Variants in LILRA2 observed in about 807,000 individuals in gnomAD.
LILRA2 encodes leukocyte immunoglobulin like receptor A2.
LILRA2 carries 45 observed loss-of-function variants against 47.9 expected under a neutral mutation model. The ratio of observed to expected loss-of-function variants is 0.94; its 90% CI spans 0.74 to 1.20. LILRA2 has a LOEUF of 1.20. Ranked by LOEUF, LILRA2 falls within the 50% of genes most tolerant of loss-of-function variation. The probability of loss-of-function intolerance (pLI) is 0.00; values close to 1 mark genes in which losing one functional copy is unlikely to be tolerated. For synonymous variants in LILRA2, 279 were observed against 249.2 expected (o/e 1.12, Z -1.13); for missense variants, 651 against 598.2 (o/e 1.09, Z -0.92).
In LILRA2 at chr19:54,576,053, G is replaced by C; in HGVS notation, c.1199G>C (p.Ser400Thr). The change falls in exon 6 of 8, where the codon AGC (serine) becomes ACC (threonine). Residue 400 changes from serine (S) to threonine (T), a missense_variant. Physicochemically the swap from Ser to Thr is moderately conservative, Grantham distance 58. Coordinates refer to ENST00000391738, the MANE Select transcript of LILRA2 (RefSeq NM_001130917.3). Reference sequence around the variant, plus strand: ...ACCTACAGATGCTACAGCTCACTCAGCTCCAACCCCTACCTGCTGTCTCTC... The same window carrying C: ...ACCTACAGATGCTACAGCTCACTCACCTCCAACCCCTACCTGCTGTCTCTC... ...VGTYRCYSSL[S>T]SNPYLLSLPS... 6.2e-7 allele frequency: 1 copy of C among 1,613,954 alleles called. No homozygotes were observed. Among genetic ancestry groups the C allele is most frequent in the Non-Finnish European group, 8.5e-7 (1 of 1,179,964 alleles).
chr19:54,575,026 G>T lies in LILRA2; in HGVS notation c.648G>T (p.Leu216=). 2 of 1,612,990 alleles carry T rather than the reference G, an allele frequency of 1.2e-6. No homozygotes were observed. Among genetic ancestry groups the T allele is most frequent in the South Asian group, 2.2e-5 (2 of 91,078 alleles). Residue 216 remains leucine, a synonymous_variant, in exon 4 of 8, where the codon CTG becomes CTT. Coordinates refer to ENST00000391738, the MANE Select transcript of LILRA2 (RefSeq NM_001130917.3). ...TACCCAGTGATCTCCTGGAGCTCCT[G>T]GTCCCAGGTGAGAAATTCACAGAAT... is the stretch of plus-strand genomic sequence containing the variant. ...WSLPSDLLEL[L]VPGVSKKPSL... is the part of the protein sequence containing the mutation.
intron 6 of LILRA2, among the ~76,000 whole-genome samples, chr19:54,584,480 C>A (rs940023727): frequency 6.6e-6 from 1 of 152,240 alleles, no homozygotes; most frequent in South Asian, 2.1e-4. Context: ...TCTTTTCATT[C>A]TCTTTTCTCT....
At chr19:54,576,770 A>C in intron 6 of LILRA2, among the ~76,000 whole-genome samples, 1 of 152,266 alleles carries the variant, frequency 6.6e-6, no homozygotes, top group African/African-American at 2.4e-5. Flanking sequence ...GGGAGATCAC[A>C]GTCAGGTACT....
upstream of LILRA2, chr19:54,573,645 C>T (rs959624113): frequency 3.1e-6 from 3 of 967,598 alleles, no homozygotes; most frequent in Admixed American, 2.6e-5. Context: ...CAGGAAAGAC[C>T]CCATTACAGT....
Position 54,587,280 on chromosome 19 carries a change from C to T in LILRA2, c.1386C>T (p.Val462=), listed in dbSNP as rs1381307623. The change falls in exon 8 of 8, where the codon GTC becomes GTT. Residue 462 remains valine (V), a synonymous_variant. Coordinates refer to ENST00000391738, the MANE Select transcript of LILRA2 (RefSeq NM_001130917.3). The stretch of plus-strand genomic sequence containing the variant: ...GTGTGGCTGGCTTGGTCCTGGTGGT[C>T]CTCGGGATTCTGCTATTTGAGGCTC... ...RMGVAGLVLV[V]LGILLFEAQH... is the part of the protein sequence containing the mutation. 1 of 1,613,970 alleles carries T rather than the reference C, an allele frequency of 6.2e-7. No homozygotes were observed. Among genetic ancestry groups the T allele is most frequent in the Non-Finnish European group, 8.5e-7 (1 of 1,180,020 alleles).
chr19:54,579,402 A>G (rs1013676868), intron 6 of LILRA2, among the ~76,000 whole-genome samples: 4 of 152,176 alleles, frequency 2.6e-5, no homozygotes, highest in African/African-American at 7.2e-5. Flanking sequence ...CAAGTTTGTC[A>G]AAGATCAGAT....
In LILRA2 at chr19:54,575,542, C is replaced by T; in HGVS notation, c.942C>T (p.Ile314=). 6.2e-7 allele frequency: 1 copy of T among 1,612,250 alleles called. No homozygotes were observed. Among genetic ancestry groups the T allele is most frequent in the Non-Finnish European group, 8.5e-7 (1 of 1,179,888 alleles). The part of the protein sequence containing the change: ...EWSAPSDPLD[I]LITGQFYDRP... ...CGGCCCCCAGTGACCCCCTGGACAT[C>T]CTGATCACAGGTGAGGAGCCCAGCG... Residue 314 remains isoleucine, a synonymous_variant, in exon 5 of 8, where the codon ATC becomes ATT. Transcript: ENST00000391738.
intron 6 of LILRA2, among the ~76,000 whole-genome samples, chr19:54,582,477 T>C (rs1409567695): frequency 1.3e-5 from 2 of 152,218 alleles, no homozygotes; most frequent in Non-Finnish European, 1.5e-5. Flanking sequence ...TATTCATAGA[T>C]TCAACTTCTT....
In LILRA2 at chr19:54,574,898, G is replaced by A. The variant is rs755716704; in HGVS notation, c.520G>A (p.Gly174Arg). The change falls in exon 4 of 8, where the codon GGG (glycine) becomes AGG (arginine). Residue 174 changes from glycine to arginine, a missense_variant. Gly to Arg is a moderately radical substitution (Grantham distance 125). Coordinates refer to ENST00000391738, the MANE Select transcript of LILRA2 (RefSeq NM_001130917.3). The stretch of plus-strand genomic sequence containing the variant: ...CCTGAACTCCCATTCCCATGCCCGT[G>A]GGTGGTCCTGGGCCATCTTCTCCGT... ...QRLNSHSHAR[G>R]WSWAIFSVGP... 6.2e-7 allele frequency: 1 copy of A among 1,614,276 alleles called. No individual in the cohort carries two copies. Among genetic ancestry groups the A allele is most frequent in the East Asian group, 2.2e-5 (1 of 44,876 alleles).
intron 6 of LILRA2, among the ~76,000 whole-genome samples, chr19:54,579,464 C>T (rs531829019): frequency 6.6e-6 from 1 of 152,236 alleles, no homozygotes; most frequent in African/African-American, 2.4e-5. Context: ...TTCCATTGGT[C>T]TATGCATCTG....
chr19:54,586,269 C>T (rs1402009964), intron 6 of LILRA2, among the ~76,000 whole-genome samples: 5 of 151,986 alleles, frequency 3.3e-5, no homozygotes, highest in African/African-American at 1.2e-4. Flanking sequence ...CATGACAGGT[C>T]TTTACAGGTT....
chr19:54,577,970 C>T lies in LILRA2; in HGVS notation c.1255+1861C>T, dbSNP rs187901138. On this transcript the variant is annotated intron_variant, in intron 6 of 7. Coordinates refer to ENST00000391738, the MANE Select transcript of LILRA2 (RefSeq NM_001130917.3). ...AACAAATTTCTCATTAATATCAACT[C>T]TTCCTCCTTCACACATTAAAAATGA... Among the ~76,000 whole-genome samples the T allele has an allele frequency of 1.7e-3, 262 of 151,578 alleles. No individual in the cohort carries two copies. The South Asian group carries it at 0.035, about 20-fold the overall frequency.
chr19:54,573,794 G>T lies in LILRA2; in HGVS notation c.-85G>T, dbSNP rs1318676138. ...CCATGACAAGAAGGATCCAGCCTCC[G>T]AGTGTCCACACCCTGTGCGTCTCTC... On this transcript the variant is annotated 5_prime_UTR_variant, in exon 1 of 8. Transcript: ENST00000391738. The T allele has an allele frequency of 7.2e-5, 55 of 766,180 alleles. No homozygotes were observed. In the East Asian group the frequency reaches 9.0e-4, roughly 13 times the overall value. 47.5% of individuals were successfully genotyped at this position (766,180 alleles called of 1,614,324 possible).
In LILRA2 at chr19:54,574,588, A is replaced by G. The variant is rs757625395; in HGVS notation, c.352+6A>G. On this transcript the variant is annotated splice_donor_region_variant and intron_variant, in intron 3 of 7. Coordinates refer to ENST00000391738, the MANE Select transcript of LILRA2 (RefSeq NM_001130917.3). The stretch of plus-strand genomic sequence containing the variant: ...CCTGGAGCTGGTGGTGACAGGTGAG[A>G]GGACACTCAGGAGTCCCAGCCCCAG... 13 of 1,583,170 alleles carry G rather than the reference A, an allele frequency of 8.2e-6. No individual in the cohort carries two copies. The highest frequency in any genetic ancestry group is 1.1e-5 in the Non-Finnish European group (13 of 1,153,142).
rs2062337911 is a variant in LILRA2, at chr19:54,574,925, G to A, written c.547G>A (p.Gly183Ser). 2 of 1,614,164 alleles carry A rather than the reference G, an allele frequency of 1.2e-6. No individual in the cohort carries two copies. The highest frequency in any genetic ancestry group is 1.3e-5 in the African/African-American group (1 of 74,960). Residue 183 changes from glycine to serine, a missense_variant, in exon 4 of 8, where the codon GGC (glycine) becomes AGC (serine). Transcript: ENST00000391738. The part of the protein sequence containing the change: ...RGWSWAIFSV[G>S]PVSPSRRWSY... ...GTGGTCCTGGGCCATCTTCTCCGTG[G>A]GCCCCGTGAGCCCGAGTCGCAGGTG...
At position 54,587,617 on chromosome 19, in the gene LILRA2, A is replaced by G. The variant is rs2062853739; in HGVS notation, c.*271A>G. On this transcript the variant is annotated 3_prime_UTR_variant, in exon 8 of 8. Transcript: ENST00000391738. ...TTCCCATCCCCAGACATGAGGCTCC[A>G]TCCCACATGGCACCGTTGGGTCCAC... The G allele has an allele frequency of 5.3e-6, 3 of 563,484 alleles. No individual in the cohort carries two copies. The highest frequency in any genetic ancestry group is 9.3e-6 in the Non-Finnish European group (3 of 323,314). 34.9% of individuals were successfully genotyped at this position (563,484 alleles called of 1,614,324 possible).
At position 54,575,978 on chromosome 19, in the gene LILRA2, A is replaced by C. The variant is rs754638253; in HGVS notation, c.1124A>C (p.Gln375Pro). 2.5e-6 allele frequency: 4 copies of C among 1,613,914 alleles called. No homozygotes were observed. Among genetic ancestry groups the C allele is most frequent in the African/African-American group, 2.7e-5 (2 of 74,860 alleles). ...CTGAGATCAGAGCACCAAGCTCAGC[A>C]GAACCAGGCTGAATTCCGCATGGGT... is the stretch of plus-strand genomic sequence containing the variant. ...LHLRSEHQAQ[Q>P]NQAEFRMGPV... Residue 375 changes from glutamine to proline, a missense_variant, in exon 6 of 8, where the codon CAG becomes CCG. Gln to Pro is a moderately conservative substitution (Grantham distance 76). Transcript: ENST00000391738.
At position 54,587,949 on chromosome 19, in the gene LILRA2, C is replaced by T. The variant is rs2062860486; in HGVS notation, c.*603C>T. On this transcript the variant is annotated 3_prime_UTR_variant, in exon 8 of 8. Transcript: ENST00000391738. ...CACACTGGCATTTCAAGTGACACCA[C>T]AGCTATGCTGATTCAGAAAAAGACA... is the stretch of plus-strand genomic sequence containing the variant. The T allele has an allele frequency of 6.5e-6, 1 of 153,344 alleles. No homozygotes were observed. Among genetic ancestry groups the T allele is most frequent in the South Asian group, 2.0e-4 (1 of 4,936 alleles). The allele number at this position is 153,344 out of a possible 1,614,324, so 9.5% of individuals were successfully genotyped here.
intron 6 of LILRA2, among the ~76,000 whole-genome samples, chr19:54,578,174 C>T (rs956609409): frequency 4.6e-5 from 7 of 151,544 alleles, no homozygotes; most frequent in Non-Finnish European, 7.4e-5. Context: ...TACATGTGCA[C>T]AATGTGCAGG....
Sources: allele counts gnomAD v4.1 joint callset (sites outside exome capture counted in the v4.1 genomes callset), GRCh38; gene constraint gnomAD v4.1.1; transcripts MANE v1.5; gene names NCBI Gene and HGNC (gene_info 2026-07-23, HGNC 2026-07-21).